Variants in ASIC2 observed in about 807,000 individuals in gnomAD.
The protein encoded by ASIC2 is acid-sensing ion channel 2.
A neutral mutation model predicts 57.3 loss-of-function variants in ASIC2; 25 were observed. That is an observed-to-expected ratio of 0.44 (90% CI 0.32 to 0.61). The LOEUF is 0.61. ASIC2 is among the 20% of genes least tolerant of loss of function. ASIC2 has a pLI of 0.06. For missense variants in ASIC2, 641 were observed against 738.1 expected (o/e 0.87, Z 1.52); for synonymous variants, 319 against 307.5 (o/e 1.04, Z -0.39).
At chr17:33,672,463 A>G (rs113013597) in intron 1 of ASIC2, among the ~76,000 whole-genome samples, 5 of 151,932 alleles carry the variant, frequency 3.3e-5, no homozygotes, top group African/African-American at 1.2e-4. Flanking sequence ...AAAAAAATAC[A>G]TCACCCAAAC....
At chr17:34,013,857 C>T (rs1348411361) in intron 1 of ASIC2, among the ~76,000 whole-genome samples, 1 of 152,190 alleles carries the variant, frequency 6.6e-6, no homozygotes, top group Non-Finnish European at 1.5e-5. Context: ...ATCAGATGGC[C>T]TCTGCTTTCT....
At position 33,467,723 on chromosome 17, in the gene ASIC2, A is replaced by G. The variant is rs1339289281; in HGVS notation, c.556-355656T>C. On this transcript the variant is annotated intron_variant, in intron 1 of 9. Transcript: ENST00000359872. ...ACTTAATTATCTCAATCAATTGCCA[A>G]TCAGAAATCTCTGAATCTACCTATG... Among the ~76,000 whole-genome samples the G allele has an allele frequency of 5.9e-5, 9 of 152,188 alleles. No individual in the cohort carries two copies. In the South Asian group the frequency reaches 6.2e-4, roughly 11 times the overall value.
intron 2 of ASIC2, among the ~76,000 whole-genome samples, chr17:33,105,004 G>A (rs1395970288): frequency 1.3e-5 from 2 of 152,240 alleles, no homozygotes; most frequent in Non-Finnish European, 2.9e-5. Flanking sequence ...GGCCCTGGCA[G>A]TGTACACAAT....
chr17:33,565,842 C>T, intron 1 of ASIC2: 1 of 152,386 alleles, frequency 6.6e-6, no homozygotes, highest in Admixed American at 6.5e-5. Flanking sequence ...ATCTAGGTAA[C>T]AGCTTGAAGG....
chr17:33,703,463 C>T (rs888294687), intron 1 of ASIC2, among the ~76,000 whole-genome samples: 1 of 151,964 alleles, frequency 6.6e-6, no homozygotes, highest in African/African-American at 2.4e-5. Flanking sequence ...AGTGATCCTC[C>T]CACCTCAGCT....
rs78943360 is a variant in ASIC2 at position 33,653,765 on chromosome 17, T to A, written c.555+502213A>T. Among the ~76,000 whole-genome samples, 1,135 of 152,326 alleles carry A rather than the reference T, an allele frequency of 7.5e-3. 22 individuals are homozygous for A. Among genetic ancestry groups the A allele is most frequent in the African/African-American group, 0.026 (1,097 of 41,570 alleles). Reference sequence around the variant, plus strand: ...GTGATATAGAAGAAGAAACATGGAATCTGGAACCCCCCAGAGCTGAGATCA... The same window carrying A: ...GTGATATAGAAGAAGAAACATGGAAACTGGAACCCCCCAGAGCTGAGATCA... On this transcript the variant is annotated intron_variant, in intron 1 of 9. Transcript: ENST00000359872.
intron 1 of ASIC2, among the ~76,000 whole-genome samples, chr17:33,412,935 C>T (rs1378855969): frequency 6.6e-6 from 1 of 152,066 alleles, no homozygotes; most frequent in African/African-American, 2.4e-5. Context: ...GTGCAAGGAA[C>T]CCCCCACCTG....
intron 3 of ASIC2, among the ~76,000 whole-genome samples, chr17:33,037,960 G>C (rs1190380915): frequency 6.6e-6 from 1 of 152,200 alleles, no homozygotes; most frequent in Non-Finnish European, 1.5e-5. Context: ...TGTACAGTTA[G>C]ATGAGATGAC....
At chr17:33,170,582 A>G (rs1363704073) in intron 1 of ASIC2, among the ~76,000 whole-genome samples, 1 of 152,166 alleles carries the variant, frequency 6.6e-6, no homozygotes, top group African/African-American at 2.4e-5. Context: ...TCACTGAGAC[A>G]TTTGCCCAGA....
chr17:33,751,752 G>A lies in ASIC2; in HGVS notation c.555+404226C>T, dbSNP rs116238854. Among the ~76,000 whole-genome samples, 444 of 152,090 alleles carry A rather than the reference G, an allele frequency of 2.9e-3. 1 individual carries two copies. The highest frequency in any genetic ancestry group is 0.01 in the African/African-American group (428 of 41,478). On this transcript the variant is annotated intron_variant, in intron 1 of 9. Coordinates refer to the ASIC2 transcript ENST00000359872. ...CCTGCTCCCTGCATAGAATGACTTAGAGTCCAATTAAGAAACAATTACTCC... is the reference window on the plus strand; with the variant it reads ...CCTGCTCCCTGCATAGAATGACTTAAAGTCCAATTAAGAAACAATTACTCC...
intron 1 of ASIC2, among the ~76,000 whole-genome samples, chr17:33,774,638 T>G (rs1227401106): frequency 6.6e-6 from 1 of 152,234 alleles, no homozygotes; most frequent in African/African-American, 2.4e-5. Context: ...TATATCCCAT[T>G]GACCAAAATT....
At chr17:33,493,349 A>G (rs933153486) in intron 1 of ASIC2, among the ~76,000 whole-genome samples, 22 of 152,194 alleles carry the variant, frequency 1.4e-4, no homozygotes, top group Admixed American at 1.2e-3. Context: ...TGCTGTTGTA[A>G]GAAATAATAT....
At chr17:33,104,059 C>A (rs934182419) in intron 2 of ASIC2, among the ~76,000 whole-genome samples, 1 of 152,132 alleles carries the variant, frequency 6.6e-6, no homozygotes, top group Non-Finnish European at 1.5e-5. Flanking sequence ...TCAGTGCAGG[C>A]CCTCAGTTCT....
At chr17:34,018,428 ACAAT>A (rs2090162113) in intron 1 of ASIC2, among the ~76,000 whole-genome samples, 1 of 152,222 alleles carries the variant, frequency 6.6e-6, no homozygotes, top group Admixed American at 6.5e-5. Context: ...TGCTAACACA[ACAAT>A]CATTCTGCAG....
chr17:33,372,112 G>A (rs1195759032), intron 1 of ASIC2, among the ~76,000 whole-genome samples: 1 of 152,082 alleles, frequency 6.6e-6, no homozygotes, highest in Non-Finnish European at 1.5e-5. Flanking sequence ...TGCACTAGAT[G>A]AAATGGCATA....
At chr17:33,514,696 G>T in intron 1 of ASIC2, among the ~76,000 whole-genome samples, 1 of 152,172 alleles carries the variant, frequency 6.6e-6, no homozygotes, top group East Asian at 1.9e-4. Flanking sequence ...GGACTTTTAT[G>T]ACCGTGCTGC....
intron 3 of ASIC2, among the ~76,000 whole-genome samples, chr17:33,077,006 C>T (rs571996381): frequency 6.6e-6 from 1 of 152,144 alleles, no homozygotes; most frequent in Admixed American, 6.5e-5. Context: ...ATGTGTTGTG[C>T]CACATCCCCA....
At chr17:33,286,773 T>G (rs1905215113) in intron 1 of ASIC2, among the ~76,000 whole-genome samples, 1 of 152,196 alleles carries the variant, frequency 6.6e-6, no homozygotes, top group Non-Finnish European at 1.5e-5. Context: ...TGTACGCTCC[T>G]GGTATCTATT....
intron 1 of ASIC2, among the ~76,000 whole-genome samples, chr17:33,752,825 C>T (rs2701490): frequency 0.34 from 51,158 of 152,138 alleles, 10,634 homozygotes; most frequent in Non-Finnish European, 0.49. Context: ...GGTGGAGCAA[C>T]AGCAACTCCC....
Sources: gnomAD v4.1 joint callset for allele counts (sites outside exome capture counted in the v4.1 genomes callset) on GRCh38, gnomAD v4.1.1 for gene constraint, MANE v1.5 for transcripts, NCBI Gene and HGNC (gene_info 2026-07-23, HGNC 2026-07-21) for gene names.